Variants in DROSHA observed in about 807,000 individuals in gnomAD.
DROSHA encodes ribonuclease 3.
A neutral mutation model predicts 181.9 loss-of-function variants in DROSHA; 56 were observed. The observed-to-expected ratio is 0.31, with a 90% confidence interval of 0.25 to 0.38. The LOEUF is 0.38. Ranked by LOEUF, DROSHA falls within the 10% of genes least tolerant of loss-of-function variation. The pLI is 1.00. For missense variants in DROSHA, 1,218 were observed against 1,743.5 expected, an observed-to-expected ratio of 0.70 and a Z score of 5.37; for synonymous variants, 524 against 591.2, an observed-to-expected ratio of 0.89 and a Z score of 1.65.
At position 31,526,928 on chromosome 5, in the gene DROSHA, G is replaced by A. The variant is rs1740664429; in HGVS notation, c.21-16C>T. 1 of 1,595,262 alleles carries A rather than the reference G, an allele frequency of 6.3e-7. No individual in the cohort carries two copies. Among genetic ancestry groups the A allele is most frequent in the Admixed American group, 1.8e-5 (1 of 55,122 alleles). ...CATTCTGTGACTTCATGGCAGAAAA[G>A]AAAAAGGGAAAAGTTTTTTTAAAAA... is the stretch of plus-strand genomic sequence containing the variant. On this transcript the variant is annotated splice_polypyrimidine_tract_variant and intron_variant, in intron 4 of 35. Transcript: ENST00000344624.
intron 16 of DROSHA, among the ~76,000 whole-genome samples, chr5:31,478,303 T>C (rs1750636011): frequency 6.6e-6 from 1 of 152,104 alleles, no homozygotes; most frequent in African/African-American, 2.4e-5. Flanking sequence ...CTGATGAGAT[T>C]AAAAAGAAAA....
chr5:31,448,380 AG>A (rs1350482452), intron 23 of DROSHA, among the ~76,000 whole-genome samples, 166 bp downstream of exon 23: 4 of 152,238 alleles, frequency 2.6e-5, no homozygotes, highest in African/African-American at 9.6e-5. Flanking sequence ...TAATGAGTAC[AG>A]GGTTTCTCTT....
chr5:31,514,765 T>C lies in DROSHA; in HGVS notation c.1290+223A>G, dbSNP rs1412547839. Among the ~76,000 whole-genome samples, 9 of 152,226 alleles carry C rather than the reference T, an allele frequency of 5.9e-5. No individual in the cohort carries two copies. Among genetic ancestry groups the C allele is most frequent in the Non-Finnish European group, 1.3e-4 (9 of 68,042 alleles). Reference sequence around the variant, plus strand: ...CAGTGATTCTCAACTGGGGGTGATCTTTTCCCCCCAGGGGACATTTGGCAA... The same window carrying C: ...CAGTGATTCTCAACTGGGGGTGATCCTTTCCCCCCAGGGGACATTTGGCAA... On this transcript the variant is annotated intron_variant, in intron 8 of 35. Coordinates refer to ENST00000344624, the MANE Select transcript of DROSHA (RefSeq NM_001382508.1). The surrounding 1 kb of genome is among the most constrained non-coding windows in gnomAD (Gnocchi z 4.4).
At chr5:31,526,960 C>G in intron 4 of DROSHA, 48 bp from the exon 5 acceptor site, 1 of 1,528,262 alleles carries the variant, frequency 6.5e-7, no homozygotes, top group Non-Finnish European at 8.8e-7. Flanking sequence ...AAAAATAATT[C>G]TTACTATGTA....
intron 4 of DROSHA, 110 bp downstream of exon 4, chr5:31,528,930 A>C: frequency 1.6e-3 from 1,808 of 1,163,102 alleles, no homozygotes; most frequent in Non-Finnish European, 2.1e-3. Flanking sequence ...TGAGCACATT[A>C]TCCCCTCTCC....
chr5:31,518,171 C>T (rs1476954636), intron 6 of DROSHA, among the ~76,000 whole-genome samples: 4 of 152,022 alleles, frequency 2.6e-5, no homozygotes, highest in African/African-American at 9.7e-5. Flanking sequence ...ATGCTGTGGG[C>T]AACTGTAACA....
intron 11 of DROSHA, among the ~76,000 whole-genome samples, chr5:31,497,895 C>T (rs751493320): frequency 3.9e-5 from 6 of 152,208 alleles, no homozygotes; most frequent in Non-Finnish European, 8.8e-5. Flanking sequence ...TCTTACAAGA[C>T]GAACAGCAGA....
At chr5:31,474,972 C>T (rs1455124592) in intron 16 of DROSHA, among the ~76,000 whole-genome samples, 1 of 152,160 alleles carries the variant, frequency 6.6e-6, no homozygotes, top group Non-Finnish European at 1.5e-5. Flanking sequence ...TTTGTTAGTA[C>T]AGTTCAATCG....
intron 10 of DROSHA, among the ~76,000 whole-genome samples, chr5:31,506,731 C>T (rs1425164092): frequency 6.6e-6 from 1 of 151,628 alleles, no homozygotes; most frequent in Non-Finnish European, 1.5e-5. Context: ...TTATAACACA[C>T]TCTTAATGCC....
chr5:31,412,181 G>C (rs113091764), intron 30 of DROSHA, among the ~76,000 whole-genome samples: 1 of 152,142 alleles, frequency 6.6e-6, no homozygotes, highest in Admixed American at 6.5e-5. Context: ...GAGGACAGCC[G>C]GGAGCAAGGA....
intron 19 of DROSHA, 61 bp downstream of exon 19, chr5:31,466,121 T>C: frequency 6.5e-7 from 1 of 1,539,316 alleles, no homozygotes; most frequent in Non-Finnish European, 9.0e-7. Context: ...GATACAACAA[T>C]CACGAAATAA....
In DROSHA at chr5:31,451,646, A is replaced by G. The variant is rs1747054811; in HGVS notation, c.2575-6T>C. ...ACAGGTAGCATCATTGCATGCTAGG[A>G]AAAAAAAAATTCAATATGTTTAACT... is the stretch of plus-strand genomic sequence containing the variant. On this transcript the variant is annotated splice_region_variant and splice_polypyrimidine_tract_variant and intron_variant, in intron 20 of 35. Coordinates refer to ENST00000344624, the MANE Select transcript of DROSHA (RefSeq NM_001382508.1). The G allele has an allele frequency of 1.3e-6, 2 of 1,490,640 alleles. No homozygotes were observed. The highest frequency in any genetic ancestry group is 1.8e-6 in the Non-Finnish European group (2 of 1,094,514). 92.3% of individuals were successfully genotyped at this position (1,490,640 alleles called of 1,614,324 possible).
chr5:31,509,834 A>G (rs563458848), intron 9 of DROSHA, among the ~76,000 whole-genome samples: 32 of 152,342 alleles, frequency 2.1e-4, no homozygotes, highest in South Asian at 4.1e-4. Context: ...CTGAGAGTCA[A>G]ATTCATAGAG....
At chr5:31,494,083 C>G (rs1752701657) in intron 12 of DROSHA, among the ~76,000 whole-genome samples, 1 of 152,000 alleles carries the variant, frequency 6.6e-6, no homozygotes, top group South Asian at 2.1e-4. Context: ...ATTATCGTGC[C>G]TCAGCCTCCT....
Position 31,526,110 on chromosome 5 carries a change from G to A in DROSHA, c.823C>T (p.Pro275Ser). ...CGTTCGTAGCTGCGGTGGCGAGATG[G>A]TGTTCTCCCTCGGTCATAATCAGAT... is the stretch of plus-strand genomic sequence containing the variant. ...YRSDYDRGRT[P>S]SRHRSYERSR... The change falls in exon 5 of 36, where the codon CCA becomes TCA. Residue 275 changes from proline (P) to serine (S), a missense_variant. Pro to Ser is a moderately conservative substitution (Grantham distance 74, BLOSUM62 -1). Around this residue, in one of 8 missense-constraint regions of DROSHA, gnomAD observed 536 missense variants for 535.4 expected, o/e 1.00. Transcript: ENST00000344624. The A allele has an allele frequency of 6.2e-7, 1 of 1,600,384 alleles. No homozygotes were observed. Among genetic ancestry groups the A allele is most frequent in the Non-Finnish European group, 8.6e-7 (1 of 1,168,972 alleles).
rs116205122 is a variant in DROSHA, at chr5:31,436,291, T to G, written c.2943-427A>C. 5.2e-3 allele frequency among the ~76,000 whole-genome samples: 790 copies of G among 151,858 alleles called. 8 individuals are homozygous for G. Among genetic ancestry groups the G allele is most frequent in the African/African-American group, 0.018 (744 of 41,446 alleles). ...GTGAAAAGAAATAACCTAAAGAGAA[T>G]AAAAACAGCTCAAGAGAGTTCCAAG... On this transcript the variant is annotated intron_variant, in intron 24 of 35. Coordinates refer to ENST00000344624, the MANE Select transcript of DROSHA (RefSeq NM_001382508.1).
chr5:31,476,918 T>TG (rs1437964600), intron 16 of DROSHA, among the ~76,000 whole-genome samples: 1 of 152,218 alleles, frequency 6.6e-6, no homozygotes, highest in Non-Finnish European at 1.5e-5. Flanking sequence ...TTGGCTCTTT[T>TG]GGTTTGTCTG....
rs752767090 is a variant in DROSHA, at chr5:31,508,605, G to A, written c.1587+16C>T. ...TGGGTTTGCAACCTTCACAGCAAGG[G>A]CATAAAAACACGCACCTGGCCTGGA... On this transcript the variant is annotated intron_variant, in intron 10 of 35. Coordinates refer to ENST00000344624, the MANE Select transcript of DROSHA (RefSeq NM_001382508.1). The A allele has an allele frequency of 4.3e-6, 7 of 1,613,804 alleles. No individual in the cohort carries two copies. In the South Asian group the frequency reaches 4.4e-5, roughly 10 times the overall value.
intron 8 of DROSHA, 58 bp from the exon 9 acceptor site, chr5:31,511,234 T>C (rs1193414051): frequency 6.7e-7 from 1 of 1,498,744 alleles, no homozygotes; most frequent in Non-Finnish European, 9.1e-7. Context: ...ATATCAAAGA[T>C]ATGTAAGATC....
Sources: allele counts gnomAD v4.1 joint callset (sites outside exome capture counted in the v4.1 genomes callset), GRCh38; gene constraint gnomAD v4.1.1; regional missense constraint gnomAD v4.1.1; non-coding constraint Gnocchi (gnomAD v3.1); transcripts MANE v1.5; gene names NCBI Gene and HGNC (gene_info 2026-07-23, HGNC 2026-07-21).